The following APLF variants were observed in gnomAD, a reference collection of about 807,000 sequenced individuals.
APLF encodes aprataxin and PNKP like factor.
APLF carries 61 observed loss-of-function variants against 55.6 expected under a neutral mutation model. The ratio of observed to expected loss-of-function variants is 1.10; its 90% CI spans 0.89 to 1.36. The LOEUF (loss-of-function observed/expected upper bound fraction) is 1.36, where lower values mean the gene tolerates loss of function less well. Among genes scored for constraint, APLF ranks in the 40% most tolerant of loss-of-function variants. APLF has a pLI of 0.00. For synonymous variants in APLF, 207 were observed against 214.8 expected (o/e 0.96, Z 0.32); for missense variants, 611 against 602.5 (o/e 1.01, Z -0.15).
intron 5 of APLF, among the ~76,000 whole-genome samples, chr2:68,517,739 T>C (rs1162675334): frequency 6.9e-6 from 1 of 145,256 alleles, no homozygotes; most frequent in Non-Finnish European, 1.5e-5. Context: ...ATAACTAATA[T>C]ATCACTAATA....
intron 7 of APLF, among the ~76,000 whole-genome samples, chr2:68,542,782 C>T (rs1359260577): frequency 6.6e-6 from 1 of 152,030 alleles, no homozygotes; most frequent in African/African-American, 2.4e-5. Flanking sequence ...TAGAATTACC[C>T]TATTATATAG....
At chr2:68,514,486 T>C (rs1038585511) in intron 5 of APLF, among the ~76,000 whole-genome samples, 7 of 151,844 alleles carry the variant, frequency 4.6e-5, no homozygotes, top group African/African-American at 1.7e-4. Flanking sequence ...CTGTTTCCCC[T>C]GTTATGTATG....
intron 8 of APLF, among the ~76,000 whole-genome samples, chr2:68,565,990 G>T (rs1002416451): frequency 6.6e-6 from 1 of 152,020 alleles, no homozygotes; most frequent in Admixed American, 6.6e-5. Context: ...CTGTCACCTG[G>T]AGGAGGCAAG....
At chr2:68,575,583 T>A (rs1465749377) in intron 9 of APLF, among the ~76,000 whole-genome samples, 1 of 151,286 alleles carries the variant, frequency 6.6e-6, no homozygotes, top group African/African-American at 2.4e-5. Flanking sequence ...GGCATTAGAG[T>A]GGATGTGATC....
At chr2:68,538,729 C>T (rs565710432) in intron 7 of APLF, among the ~76,000 whole-genome samples, 4 of 135,720 alleles carry the variant, frequency 2.9e-5, no homozygotes, top group African/African-American at 1.0e-4. Context: ...TTTATTTACA[C>T]TGCCCTATAT....
intron 8 of APLF, among the ~76,000 whole-genome samples, chr2:68,551,603 C>CTT (rs70954311): frequency 0.084 from 9,712 of 115,538 alleles, 512 homozygotes; most frequent in African/African-American, 0.15. Flanking sequence ...TCTTCTTCTT[C>CTT]TTTTTTTTTT....
At chr2:68,565,231 G>A (rs1671270212) in intron 8 of APLF, among the ~76,000 whole-genome samples, 1 of 151,976 alleles carries the variant, frequency 6.6e-6, no homozygotes. Context: ...ATTTTTCTTG[G>A]TTTTATCAAG....
intron 9 of APLF, among the ~76,000 whole-genome samples, chr2:68,571,346 G>A (rs1488846661): frequency 6.6e-6 from 1 of 152,172 alleles, no homozygotes; most frequent in Non-Finnish European, 1.5e-5. Context: ...TGCTTTTGGT[G>A]TTTTAGACAT....
intron 6 of APLF, among the ~76,000 whole-genome samples, chr2:68,536,072 G>A (rs1023976196): frequency 2.6e-4 from 39 of 152,184 alleles, no homozygotes; most frequent in African/African-American, 8.4e-4. Context: ...CTGCCTAGTA[G>A]GGAGGTGGGT....
At chr2:68,552,894 T>A (rs1472200530) in intron 8 of APLF, among the ~76,000 whole-genome samples, 2 of 152,128 alleles carry the variant, frequency 1.3e-5, no homozygotes, top group African/African-American at 4.8e-5. Context: ...GTGTCCTGAT[T>A]CTGGTTGCAG....
At chr2:68,530,213 C>T (rs1409249398) in intron 6 of APLF, among the ~76,000 whole-genome samples, 1 of 152,276 alleles carries the variant, frequency 6.6e-6, no homozygotes, top group African/African-American at 2.4e-5. Flanking sequence ...CTGTGTGCCT[C>T]ATGATCATGG....
At chr2:68,538,305 T>C in intron 7 of APLF, 78 bp downstream of exon 7, 1 of 1,314,896 alleles carries the variant, frequency 7.6e-7, no homozygotes, top group Non-Finnish European at 1.0e-6. Context: ...TACAGTATAT[T>C]AAAAACTTAA....
At chr2:68,503,090 T>A (rs1029125707) in intron 3 of APLF, among the ~76,000 whole-genome samples, 187 bp downstream of exon 3, 8 of 152,144 alleles carry the variant, frequency 5.3e-5, no homozygotes, top group African/African-American at 1.9e-4. Context: ...TGCATGTGTG[T>A]ATCTGTTTCT....
At chr2:68,559,218 AGATC>A (rs1482153973) in intron 8 of APLF, among the ~76,000 whole-genome samples, 1 of 152,038 alleles carries the variant, frequency 6.6e-6, no homozygotes, top group East Asian at 1.9e-4. Flanking sequence ...CACTGTGGAG[AGATC>A]TAGAGCAGAG....
In APLF at chr2:68,572,899, A is replaced by G. The variant is rs149357405; in HGVS notation, c.1334-4921A>G. 2.0e-4 allele frequency among the ~76,000 whole-genome samples: 30 copies of G among 152,338 alleles called. No homozygotes were observed. The East Asian group carries it at 4.2e-3, about 22-fold the overall frequency. ...AAAGATTTTTCTCCATGCAAAATCA[A>G]CATTTCTTCTGGCATGTATGTCACA... On this transcript the variant is annotated intron_variant, in intron 9 of 9. Transcript: ENST00000303795.
At chr2:68,508,858 G>C (rs898774873) in intron 3 of APLF, among the ~76,000 whole-genome samples, 6 of 152,032 alleles carry the variant, frequency 3.9e-5, no homozygotes, top group Non-Finnish European at 5.9e-5. Context: ...GCATGGTACT[G>C]GTACCAAAAC....
intron 3 of APLF, among the ~76,000 whole-genome samples, chr2:68,504,738 G>C (rs1285494746): frequency 6.6e-6 from 1 of 151,958 alleles, no homozygotes; most frequent in African/African-American, 2.4e-5. Flanking sequence ...TTTATTTGCA[G>C]ATGACATGAT....
chr2:68,511,714 A>G (rs972415325), intron 3 of APLF, among the ~76,000 whole-genome samples: 1 of 151,756 alleles, frequency 6.6e-6, no homozygotes, highest in Non-Finnish European at 1.5e-5. Flanking sequence ...GTAAAACAGG[A>G]CTGGGTATTG....
intron 8 of APLF, among the ~76,000 whole-genome samples, chr2:68,560,552 C>G (rs1019729913): frequency 6.6e-6 from 1 of 151,928 alleles, no homozygotes; most frequent in East Asian, 1.9e-4. Flanking sequence ...CTTTTTGTTA[C>G]TTATGCACCT....
Sources: gnomAD v4.1 joint callset for allele counts (sites outside exome capture counted in the v4.1 genomes callset) on GRCh38, gnomAD v4.1.1 for gene constraint, MANE v1.5 for transcripts, NCBI Gene and HGNC (gene_info 2026-07-23, HGNC 2026-07-21) for gene names.